The following CORO1C variants were observed in gnomAD, a reference collection of about 807,000 sequenced individuals.
The protein encoded by CORO1C is coronin 1C, also known as coronin-1C.
In CORO1C, 14 loss-of-function variants were observed where a neutral mutation model predicts 51.2. The observed-to-expected ratio is 0.27, with a 90% CI of 0.18 to 0.43. The LOEUF (loss-of-function observed/expected upper bound fraction) is 0.43. Among genes scored for constraint, CORO1C ranks in the 20% least tolerant of loss-of-function variants. CORO1C has a pLI of 1.00. For missense variants in CORO1C, 417 were observed against 607.8 expected (o/e 0.69, Z 3.30); for synonymous variants, 181 against 210.5 (o/e 0.86, Z 1.21).
chr12:108,716,767 A>G (rs1266689136), intron 1 of CORO1C, among the ~76,000 whole-genome samples: 1 of 152,216 alleles, frequency 6.6e-6, no homozygotes, highest in Non-Finnish European at 1.5e-5. Flanking sequence ...CCCCCCCAGT[A>G]AAACAGACAC....
chr12:108,672,857 T>C (rs1313831546), intron 3 of CORO1C, among the ~76,000 whole-genome samples: 1 of 152,246 alleles, frequency 6.6e-6, no homozygotes. Context: ...TTCGGGGCAC[T>C]ATGAACTGCA....
In CORO1C at chr12:108,673,896, T is replaced by A. The variant is rs547074825; in HGVS notation, c.318+4376A>T. Among the ~76,000 whole-genome samples, 467 of 135,362 alleles carry A rather than the reference T, an allele frequency of 3.5e-3. 1 individual carries two copies. The highest frequency in any genetic ancestry group is 5.9e-3 in the Non-Finnish European group (353 of 59,530). The allele number at this position is 135,362 out of a possible 152,430, so 88.8% of individuals were successfully genotyped here. A position where few individuals can be genotyped will look rare whatever the true frequency, so the allele number is the denominator to read the frequency against. On this transcript the variant is annotated intron_variant, in intron 3 of 10. Coordinates refer to ENST00000261401, the MANE Select transcript of CORO1C (RefSeq NM_014325.4). ...AGTATAATAATAATAAAATAAAAAA[T>A]AAATAAATAAATAATTATGCTAAAT...
At chr12:108,653,435 T>C (rs1409911476) in intron 7 of CORO1C, among the ~76,000 whole-genome samples, 2 of 152,190 alleles carry the variant, frequency 1.3e-5, no homozygotes, top group African/African-American at 2.4e-5. Context: ...TGCAGCATGC[T>C]CAATCAGCTA....
intron 1 of CORO1C, among the ~76,000 whole-genome samples, chr12:108,712,199 C>A (rs778158271): frequency 2.6e-5 from 4 of 152,122 alleles, no homozygotes; most frequent in Non-Finnish European, 5.9e-5. Flanking sequence ...TAGAAAAAGG[C>A]AGGTAAGACA....
chr12:108,677,198 G>T (rs1227178909), intron 3 of CORO1C, among the ~76,000 whole-genome samples: 1 of 152,092 alleles, frequency 6.6e-6, no homozygotes, highest in Non-Finnish European at 1.5e-5. Context: ...CTTATTTCAG[G>T]GGCAGCAAGT....
intron 3 of CORO1C, among the ~76,000 whole-genome samples, chr12:108,669,689 A>AAAAAAG (rs2033639139): frequency 8.2e-6 from 1 of 122,442 alleles, no homozygotes; most frequent in Admixed American, 8.7e-5. Context: ...AAAAAAAAAA[A>AAAAAAG]AGGCGGGGGG....
intron 8 of CORO1C, among the ~76,000 whole-genome samples, chr12:108,651,385 C>G (rs2032647153): frequency 6.6e-6 from 1 of 152,156 alleles, no homozygotes; most frequent in Non-Finnish European, 1.5e-5. Flanking sequence ...AAAAGCCTGT[C>G]CCTTAGGAAG....
intron 3 of CORO1C, among the ~76,000 whole-genome samples, chr12:108,668,059 A>T (rs2033558137): frequency 1.3e-5 from 2 of 152,234 alleles, no homozygotes; most frequent in African/African-American, 4.8e-5. Context: ...AGCCATAAAA[A>T]GGGTTACACC....
chr12:108,710,622 T>A (rs143396538), intron 1 of CORO1C, among the ~76,000 whole-genome samples: 2 of 151,856 alleles, frequency 1.3e-5, no homozygotes, highest in Non-Finnish European at 2.9e-5. Flanking sequence ...TGGAGTGCAG[T>A]GGCACAATCT....
rs924887183 is a variant in CORO1C, at chr12:108,695,851, T to TAAAA, written c.195+5269_195+5272dup. Among the ~76,000 whole-genome samples, 125 of 62,350 alleles carry TAAAA rather than the reference T, an allele frequency of 2.0e-3. 1 individual carries two copies. Among genetic ancestry groups the TAAAA allele is most frequent in the African/African-American group, 3.5e-3 (64 of 18,138 alleles). 40.9% of individuals were successfully genotyped at this position (62,350 alleles called of 152,430 possible). ...GGCTATGTATCACCCTTGGGAGAAC[T>TAAAA]AAAAAAAAAAAAAAAAAAAAAAAAC... On this transcript the variant is annotated intron_variant, in intron 2 of 10. Coordinates refer to ENST00000261401, the MANE Select transcript of CORO1C (RefSeq NM_014325.4).
At chr12:108,722,631 T>C (rs1358843575) in intron 1 of CORO1C, among the ~76,000 whole-genome samples, 1 of 152,178 alleles carries the variant, frequency 6.6e-6, no homozygotes, top group Non-Finnish European at 1.5e-5. Flanking sequence ...ATCAACACAA[T>C]AGATAGAAAT....
At chr12:108,700,973 G>A (rs2034849113) in intron 2 of CORO1C, 151 bp downstream of exon 2, 1 of 822,082 alleles carries the variant, frequency 1.2e-6, no homozygotes, top group Non-Finnish European at 2.0e-6. Context: ...AAAAACTGAT[G>A]TGGTTAGTAA....
In CORO1C at chr12:108,662,055, G is replaced by A. The variant is rs374947613; in HGVS notation, c.422C>T (p.Thr141Met). The A allele has an allele frequency of 1.9e-5, 30 of 1,614,016 alleles. No individual in the cohort carries two copies. The highest frequency in any genetic ancestry group is 5.3e-5 in the African/African-American group (4 of 74,918). The change falls in exon 4 of 11, where the codon ACG becomes ATG. Residue 141 changes from threonine to methionine, a missense_variant. Coordinates refer to ENST00000261401, the MANE Select transcript of CORO1C (RefSeq NM_014325.4). ...KRVGIVAWHP[T>M]ARNVLLSAGC... ...TGCACTAAGAAGCACATTGCGGGCC[G>A]TTGGATGCCAAGCCACGATGCCGAC... is the stretch of plus-strand genomic sequence containing the variant.
intron 1 of CORO1C, among the ~76,000 whole-genome samples, chr12:108,727,564 A>G (rs960215218): frequency 6.6e-6 from 1 of 152,240 alleles, no homozygotes; most frequent in African/African-American, 2.4e-5. Context: ...GGATTTGAAC[A>G]GGTGAATGGC....
At chr12:108,679,170 TAAAAAAAA>T in intron 2 of CORO1C, among the ~76,000 whole-genome samples, 1 of 106,742 alleles carries the variant, frequency 9.4e-6, no homozygotes, top group South Asian at 3.1e-4. Flanking sequence ...TTTAAAAAGT[TAAAAAAAA>T]AAAAAAAAGA....
chr12:108,662,056 T>C lies in CORO1C; in HGVS notation c.421A>G (p.Thr141Ala), dbSNP rs779523160. 8.7e-6 allele frequency: 14 copies of C among 1,613,988 alleles called. No homozygotes were observed. Among genetic ancestry groups the C allele is most frequent in the South Asian group, 4.4e-5 (4 of 91,072 alleles). ...KRVGIVAWHP[T>A]ARNVLLSAGC... is the part of the protein sequence containing the mutation. ...GCACTAAGAAGCACATTGCGGGCCG[T>C]TGGATGCCAAGCCACGATGCCGACT... Residue 141 changes from threonine (T) to alanine (A), a missense_variant, in exon 4 of 11, where the codon ACG becomes GCG. Physicochemically the swap from Thr to Ala is moderately conservative, Grantham distance 58. Transcript: ENST00000261401.
chr12:108,722,711 G>C (rs1041538060), intron 1 of CORO1C, among the ~76,000 whole-genome samples: 1 of 152,160 alleles, frequency 6.6e-6, no homozygotes. Context: ...TTGAGTTGGG[G>C]ACCAAATGTA....
At chr12:108,677,010 T>A (rs1806529705) in intron 3 of CORO1C, among the ~76,000 whole-genome samples, 1 of 152,154 alleles carries the variant, frequency 6.6e-6, no homozygotes, top group Non-Finnish European at 1.5e-5. Context: ...ATGACACAGT[T>A]CAGGAATTAA....
At chr12:108,679,144 GAAAAAAA>G (rs58733297) in intron 2 of CORO1C, among the ~76,000 whole-genome samples, 1 of 47,356 alleles carries the variant, frequency 2.1e-5, no homozygotes, top group Non-Finnish European at 4.5e-5. Context: ...CAAGAAAAAA[GAAAAAAA>G]AAAAGAAATT....
Sources: allele counts gnomAD v4.1 joint callset (sites outside exome capture counted in the v4.1 genomes callset), GRCh38; gene constraint gnomAD v4.1.1; transcripts MANE v1.5; gene names NCBI Gene and HGNC (gene_info 2026-07-23, HGNC 2026-07-21).